Variants in ITGB1 observed in about 807,000 individuals in gnomAD.
ITGB1 encodes the protein integrin beta-1.
A neutral mutation model predicts 86.5 loss-of-function variants in ITGB1; 24 were observed. That is an observed-to-expected ratio of 0.28 (90% CI 0.20 to 0.39). The LOEUF is 0.39. Ranked by LOEUF, ITGB1 falls within the 10% of genes least tolerant of loss-of-function variation. The pLI is 1.00. For synonymous variants in ITGB1, 323 were observed against 316.8 expected, an observed-to-expected ratio of 1.02 and a Z score of -0.21; for missense variants, 556 against 946.9, an observed-to-expected ratio of 0.59 and a Z score of 5.42.
At chr10:32,908,894 GAATA>G (rs2094904858) in intron 14 of ITGB1, among the ~76,000 whole-genome samples, 1 of 152,154 alleles carries the variant, frequency 6.6e-6, no homozygotes, top group Non-Finnish European at 1.5e-5. Context: ...CTTTCAGACT[GAATA>G]AATGGAGAGA....
chr10:32,916,972 T>C (rs1331607186), intron 11 of ITGB1, among the ~76,000 whole-genome samples: 3 of 152,320 alleles, frequency 2.0e-5, no homozygotes, highest in African/African-American at 4.8e-5. Flanking sequence ...CAAAACAGCA[T>C]GGTACTGGTA....
intron 1 of ITGB1, chr10:32,944,773 T>C (rs1447198185): frequency 6.8e-6 from 5 of 733,902 alleles, no homozygotes; most frequent in Non-Finnish European, 1.3e-5. Context: ...CTCGCTAGAT[T>C]CATCCTGCCA....
chr10:32,901,681 A>T, intron 15 of ITGB1, 46 bp from the exon 16 acceptor site: 1 of 1,173,368 alleles, frequency 8.5e-7, no homozygotes, highest in Non-Finnish European at 1.3e-6. Flanking sequence ...ACCCTACTAA[A>T]ATTATGTAGA....
intron 9 of ITGB1, among the ~76,000 whole-genome samples, chr10:32,921,496 C>G (rs1353448694): frequency 3.3e-5 from 5 of 152,220 alleles, no homozygotes; most frequent in African/African-American, 1.2e-4. Context: ...GTAAAAATGT[C>G]TAAAATTCAA....
chr10:32,911,515 C>T lies in ITGB1; in HGVS notation c.1864G>A (p.Asp622Asn). ...ICECGVCKCT[D>N]PKFQGQTCEM... ...CACGTTTGCCCTTGAAACTTCGGAT[C>T]TGTACACTTACAGACACCACACTCG... Residue 622 changes from aspartate to asparagine, a missense_variant, in exon 13 of 16, where the codon GAT becomes AAT. By Grantham distance (23) the Asp-to-Asn change is conservative. Transcript: ENST00000302278. 1 of 1,614,172 alleles carries T rather than the reference C, an allele frequency of 6.2e-7. No individual in the cohort carries two copies. Among genetic ancestry groups the T allele is most frequent in the Non-Finnish European group, 8.5e-7 (1 of 1,180,022 alleles).
At chr10:32,904,465 G>A (rs563255630) in intron 15 of ITGB1, among the ~76,000 whole-genome samples, 2 of 152,138 alleles carry the variant, frequency 1.3e-5, no homozygotes, top group South Asian at 2.1e-4. Flanking sequence ...ATTTAAACCC[G>A]CATAGCAGCA....
intron 1 of ITGB1, among the ~76,000 whole-genome samples, chr10:32,949,392 C>T (rs1033182126): frequency 2.0e-5 from 3 of 152,134 alleles, no homozygotes; most frequent in African/African-American, 7.2e-5. Flanking sequence ...CAAAGAACAT[C>T]CTTCTAGTGT....
At chr10:32,926,553 TCCTGCTCCCACCATGTGAGAAG>T in intron 5 of ITGB1, among the ~76,000 whole-genome samples, 1 of 152,292 alleles carries the variant, frequency 6.6e-6, no homozygotes, top group East Asian at 1.9e-4. Context: ...CAACTCTTGC[TCCTGCTCCCACCATGTGAGAAG>T]CCTGCTCCCC....
At position 32,926,855 on chromosome 10, in the gene ITGB1, ACCTC is replaced by A. The variant is rs2094966677; in HGVS notation, c.548-750_548-747del. ...TATCATCTATGAACCCAGAAGAGGG[ACCTC>A]ACCAGATGCTCAATCTGCCTGGATC... On this transcript the variant is annotated intron_variant, in intron 5 of 15. Coordinates refer to ENST00000302278, the MANE Select transcript of ITGB1 (RefSeq NM_002211.4). 2.0e-5 allele frequency among the ~76,000 whole-genome samples: 3 copies of A among 152,144 alleles called. No individual in the cohort carries two copies. In the South Asian group the frequency reaches 6.2e-4, roughly 31 times the overall value.
chr10:32,908,334 A>T lies in ITGB1; in HGVS notation c.2331+34T>A, dbSNP rs986471320. On this transcript the variant is annotated intron_variant, in intron 15 of 15. Coordinates refer to ENST00000302278, the MANE Select transcript of ITGB1 (RefSeq NM_002211.4). ...TTAGGAGTATTACATTTACTTTATA[A>T]GCCACTTTGCTTTTTGGATGTTTTG... is the stretch of plus-strand genomic sequence containing the variant. 5 of 1,600,500 alleles carry T rather than the reference A, an allele frequency of 3.1e-6. No individual in the cohort carries two copies. The African/African-American group carries it at 6.7e-5, about 21-fold the overall frequency.
chr10:32,950,846 A>G (rs1390475516), intron 1 of ITGB1, among the ~76,000 whole-genome samples: 1 of 152,220 alleles, frequency 6.6e-6, no homozygotes, highest in African/African-American at 2.4e-5. Context: ...AGAACAGCTC[A>G]CAACACGGCG....
Position 32,920,034 on chromosome 10 carries a change from A to G in ITGB1, c.1320T>C (p.Ser440=). 1 of 1,614,132 alleles carries G rather than the reference A, an allele frequency of 6.2e-7. No individual in the cohort carries two copies. ...CCAGAGGCCTAATTTTAAAGCTGTC[A>G]GAATCCTTTTTTGGACACTTATTTG... ...ITSNKCPKKD[S]DSFKIRPLGF... The change falls in exon 11 of 16, where the codon TCT becomes TCC. Residue 440 remains serine (S), a synonymous_variant. Transcript: ENST00000302278.
intron 1 of ITGB1, 81 bp from the exon 2 acceptor site, chr10:32,935,639 T>C: frequency 1.1e-6 from 1 of 937,944 alleles, no homozygotes; most frequent in Non-Finnish European, 1.7e-6. Flanking sequence ...TACCCCACCG[T>C]ACCTTCTATT....
chr10:32,945,665 G>C (rs779864232), intron 1 of ITGB1, among the ~76,000 whole-genome samples: 29 of 151,994 alleles, frequency 1.9e-4, no homozygotes, highest in Non-Finnish European at 3.7e-4. Context: ...AAAGTTACAT[G>C]TCATTTGGGG....
chr10:32,908,272 G>T, intron 15 of ITGB1, 96 bp downstream of exon 15: 1 of 1,173,136 alleles, frequency 8.5e-7, no homozygotes, highest in Non-Finnish European at 1.3e-6. Flanking sequence ...ACTTAGAAAG[G>T]ACTTTAATAA....
At position 32,931,926 on chromosome 10, in the gene ITGB1, G is replaced by A. The variant is rs561996692; in HGVS notation, c.153+589C>T. The stretch of plus-strand genomic sequence containing the variant: ...TGTGGAAGGTACCATATTAGCAAAA[G>A]TATAGAGATGACAAAAGTGAATAAA... On this transcript the variant is annotated intron_variant, in intron 3 of 15. Transcript: ENST00000302278. 6.6e-5 allele frequency among the ~76,000 whole-genome samples: 10 copies of A among 152,176 alleles called. No individual in the cohort carries two copies. In the South Asian group the frequency reaches 1.5e-3, roughly 22 times the overall value.
At chr10:32,947,692 C>G (rs1254730147) in intron 1 of ITGB1, among the ~76,000 whole-genome samples, 5 of 152,056 alleles carry the variant, frequency 3.3e-5, no homozygotes, top group Non-Finnish European at 7.4e-5. Context: ...TGGAGATACT[C>G]TGAGGTATCA....
chr10:32,907,089 C>T lies in ITGB1; in HGVS notation c.2331+1279G>A, dbSNP rs200899694. 82 of 1,359,486 alleles carry T rather than the reference C, an allele frequency of 6.0e-5. No homozygotes were observed. Among genetic ancestry groups the T allele is most frequent in the African/African-American group, 3.0e-4 (20 of 67,332 alleles). The allele number at this position is 1,359,486 out of a possible 1,614,324, so 84.2% of individuals were successfully genotyped here. A position where few individuals can be genotyped will look rare whatever the true frequency, so the allele number is the denominator to read the frequency against. On this transcript the variant is annotated intron_variant, in intron 15 of 15. Coordinates refer to ENST00000302278, the MANE Select transcript of ITGB1 (RefSeq NM_002211.4). ...GCAATTTAGAGACCAGCTTTACGTC[C>T]GTAGTTTGGATTCTTGAAATTATTA... is the stretch of plus-strand genomic sequence containing the variant.
intron 1 of ITGB1, among the ~76,000 whole-genome samples, chr10:32,946,803 A>C (rs1439605038): frequency 2.1e-5 from 3 of 142,058 alleles, no homozygotes; most frequent in African/African-American, 8.1e-5. Context: ...AAAATTCATC[A>C]GTCTTTCAAG....
Sources: gnomAD v4.1 joint callset for allele counts (sites outside exome capture counted in the v4.1 genomes callset) on GRCh38, gnomAD v4.1.1 for gene constraint, MANE v1.5 for transcripts, NCBI Gene and HGNC (gene_info 2026-07-23, HGNC 2026-07-21) for gene names.